Variants in RDX observed in about 807,000 individuals in gnomAD.
RDX encodes radixin.
A neutral mutation model predicts 83.7 loss-of-function variants in RDX; 32 were observed. That is an observed-to-expected ratio of 0.38 (90% CI 0.29 to 0.51). The LOEUF is 0.51. Among genes scored for constraint, RDX ranks in the 20% least tolerant of loss-of-function variants. The pLI is 0.87. For synonymous variants in RDX, 229 were observed against 222.7 expected (o/e 1.03, Z -0.25); for missense variants, 600 against 689.9 (o/e 0.87, Z 1.46).
chr11:110,262,024 TA>T (rs959271620), intron 5 of RDX, among the ~76,000 whole-genome samples: 65 of 150,494 alleles, frequency 4.3e-4, no homozygotes, highest in African/African-American at 1.4e-3. Context: ...CTTTAACATT[TA>T]AAAAAAAAAT....
At chr11:110,206,130 C>G (rs1863592767) in intron 14 of RDX, among the ~76,000 whole-genome samples, 1 of 151,468 alleles carries the variant, frequency 6.6e-6, no homozygotes, top group African/African-American at 2.4e-5. Flanking sequence ...GGTGGTGGGT[C>G]CCCGTAATCC....
rs954485692 is a variant in RDX at position 110,231,253 on chromosome 11, A to G, written c.*616T>C. On this transcript the variant is annotated 3_prime_UTR_variant, in exon 14 of 14. Coordinates refer to ENST00000645495, the MANE Select transcript of RDX (RefSeq NM_002906.4). ...CCAATAAGGTAATTAAATTTAGATT[A>G]AAAAAAAACTAAGCACCAGCTGTAC... 2.0e-5 allele frequency: 3 copies of G among 152,292 alleles called. No homozygotes were observed. The highest frequency in any genetic ancestry group is 4.8e-5 in the African/African-American group (2 of 41,282). 9.4% of individuals were successfully genotyped at this position (152,292 alleles called of 1,614,324 possible). A position where few individuals can be genotyped will look rare whatever the true frequency, so the allele number is the denominator to read the frequency against.
intron 1 of RDX, among the ~76,000 whole-genome samples, chr11:110,290,927 G>A (rs1482643219): frequency 1.3e-5 from 2 of 152,202 alleles, no homozygotes; most frequent in African/African-American, 4.8e-5. Context: ...TAATTTAACT[G>A]AAGTTGGTAC....
chr11:110,186,376 G>A (rs1430703092), intron 15 of RDX, among the ~76,000 whole-genome samples: 1 of 151,908 alleles, frequency 6.6e-6, no homozygotes, highest in East Asian at 1.9e-4. Context: ...GCTTTGACCT[G>A]TCATTATCTT....
chr11:110,208,824 C>T (rs1331531477), intron 14 of RDX, among the ~76,000 whole-genome samples: 2 of 152,038 alleles, frequency 1.3e-5, no homozygotes, highest in African/African-American at 2.4e-5. Context: ...GGGGTAGTGG[C>T]GGCCACCTGT....
At chr11:110,223,421 T>TG (rs1864323026) in intron 14 of RDX, among the ~76,000 whole-genome samples, 1 of 151,796 alleles carries the variant, frequency 6.6e-6, no homozygotes, top group Non-Finnish European at 1.5e-5. Context: ...CCCAGCTACT[T>TG]GGGAAGCTAA....
rs867308526 is a variant in RDX, at chr11:110,188,538, G to T, written c.*31+11043C>A. Among the ~76,000 whole-genome samples, 7 of 152,156 alleles carry T rather than the reference G, an allele frequency of 4.6e-5. No individual in the cohort carries two copies. The East Asian group carries it at 1.4e-3, about 29-fold the overall frequency. On this transcript the variant is annotated intron_variant, in intron 15 of 15. Transcript: ENST00000528498. ...GATGGGAGGGGGGTGAGGGATAAAA[G>T]ACTACATATTGGGTAACAGTGTACA...
At chr11:110,178,931 G>A (rs1246670192) in intron 15 of RDX, among the ~76,000 whole-genome samples, 1 of 152,196 alleles carries the variant, frequency 6.6e-6, no homozygotes, top group Non-Finnish European at 1.5e-5. Context: ...ATTGATCCCT[G>A]CCACCAGCCC....
At chr11:110,287,751 T>C (rs569834877) in intron 1 of RDX, among the ~76,000 whole-genome samples, 1 of 152,312 alleles carries the variant, frequency 6.6e-6, no homozygotes, top group East Asian at 1.9e-4. Context: ...TCACAATAAC[T>C]GCCCTCCCCC....
chr11:110,240,780 A>AC (rs1324450985), intron 10 of RDX, among the ~76,000 whole-genome samples: 6 of 143,032 alleles, frequency 4.2e-5, no homozygotes, highest in Non-Finnish European at 7.6e-5. Flanking sequence ...ATGGCCAGGC[A>AC]CGGTGGTTCA....
At chr11:110,190,847 TGGA>T (rs1863088738) in intron 15 of RDX, among the ~76,000 whole-genome samples, 1 of 152,198 alleles carries the variant, frequency 6.6e-6, no homozygotes, top group Non-Finnish European at 1.5e-5. Flanking sequence ...CAAGAGGAGA[TGGA>T]TAAATTCTTG....
intron 14 of RDX, among the ~76,000 whole-genome samples, chr11:110,209,673 C>T (rs1312836394): frequency 2.0e-5 from 3 of 147,028 alleles, no homozygotes; most frequent in African/African-American, 7.4e-5. Context: ...CAAGTGGGTC[C>T]CTGACCCCTG....
intron 14 of RDX, among the ~76,000 whole-genome samples, chr11:110,208,883 G>A (rs1863703397): frequency 6.6e-6 from 1 of 152,170 alleles, no homozygotes; most frequent in African/African-American, 2.4e-5. Flanking sequence ...TTGAACCCAG[G>A]AGGCAGAGGT....
At chr11:110,180,718 T>C (rs557084941) in intron 15 of RDX, among the ~76,000 whole-genome samples, 27 of 151,710 alleles carry the variant, frequency 1.8e-4, no homozygotes, top group Non-Finnish European at 3.2e-4. Flanking sequence ...TGGTGCGATC[T>C]CGGCTAACTG....
chr11:110,211,506 T>C (rs1277409701), intron 14 of RDX, among the ~76,000 whole-genome samples: 2 of 151,366 alleles, frequency 1.3e-5, no homozygotes, highest in Non-Finnish European at 2.9e-5. Context: ...TACAGAACTC[T>C]CCACCCCAAA....
At chr11:110,294,187 G>C (rs1228183788) in intron 1 of RDX, among the ~76,000 whole-genome samples, 5 of 152,256 alleles carry the variant, frequency 3.3e-5, no homozygotes, top group African/African-American at 1.2e-4. Flanking sequence ...GGAGGTCCAG[G>C]AGTTCCAGAC....
intron 9 of RDX, among the ~76,000 whole-genome samples, chr11:110,253,716 A>G (rs940993498): frequency 6.6e-6 from 1 of 152,212 alleles, no homozygotes; most frequent in Admixed American, 6.5e-5. Context: ...GTGAAAAGCA[A>G]GAAATGAGTC....
At chr11:110,186,131 A>C (rs1862982471) in intron 15 of RDX, among the ~76,000 whole-genome samples, 1 of 152,238 alleles carries the variant, frequency 6.6e-6, no homozygotes, top group South Asian at 2.1e-4. Flanking sequence ...ATAGTTACAG[A>C]AGCACTCTTC....
chr11:110,282,707 G>A (rs1860811583), intron 1 of RDX, among the ~76,000 whole-genome samples: 1 of 152,196 alleles, frequency 6.6e-6, no homozygotes, highest in Admixed American at 6.5e-5. Flanking sequence ...AGCCAGGCAT[G>A]GTGGCTCACA....
Sources: allele counts gnomAD v4.1 joint callset (sites outside exome capture counted in the v4.1 genomes callset), GRCh38; gene constraint gnomAD v4.1.1; transcripts MANE v1.5; gene names NCBI Gene and HGNC (gene_info 2026-07-23, HGNC 2026-07-21).